ADGRB1: variants seen among roughly 807,000 people sequenced by gnomAD.
ADGRB1 encodes brain-specific angiogenesis inhibitor 1.
Under a neutral mutation model 175.7 loss-of-function variants are expected in ADGRB1, and 36 were observed. The observed-to-expected ratio is 0.20, with a 90% CI of 0.16 to 0.27. The LOEUF (loss-of-function observed/expected upper bound fraction) is 0.27, where lower values mean the gene tolerates loss of function less well. Among genes scored for constraint, ADGRB1 ranks in the 10% least tolerant of loss-of-function variants. The probability of loss-of-function intolerance (pLI) is 1.00; values close to 1 mark genes in which losing one functional copy is unlikely to be tolerated. For synonymous variants in ADGRB1, 1,054 were observed against 979.4 expected, an observed-to-expected ratio of 1.08 and a Z score of -1.42; for missense variants, 1,731 against 2,255.3, an observed-to-expected ratio of 0.77 and a Z score of 4.71.
At chr8:142,536,014 G>T (rs1844903161) in intron 25 of ADGRB1, among the ~76,000 whole-genome samples, 1 of 152,128 alleles carries the variant, frequency 6.6e-6, no homozygotes, top group Non-Finnish European at 1.5e-5. Flanking sequence ...TGATGAGAGG[G>T]GTGGGCTGGG....
At chr8:142,507,960 C>T (rs893145245) in intron 17 of ADGRB1, among the ~76,000 whole-genome samples, 1 of 151,862 alleles carries the variant, frequency 6.6e-6, no homozygotes, top group African/African-American at 2.4e-5. Flanking sequence ...TCCCCAGGCA[C>T]GGGGATGGGC....
chr8:142,449,937 G>C lies in ADGRB1; in HGVS notation c.-387G>C, dbSNP rs1839233915. ...CGTGCGCCGGCGGGTGCTCTCCAGG[G>C]GGCGTCCCGGCGAGGCCCAGAGCGG... On this transcript the variant is annotated 5_prime_UTR_variant, in exon 1 of 31. Transcript: ENST00000517894. 6.7e-6 allele frequency: 1 copy of C among 148,680 alleles called. No homozygotes were observed. 9.2% of individuals were successfully genotyped at this position (148,680 alleles called of 1,614,324 possible).
intron 13 of ADGRB1, among the ~76,000 whole-genome samples, chr8:142,486,139 C>T (rs188539386): frequency 6.6e-6 from 1 of 152,316 alleles, no homozygotes; most frequent in East Asian, 1.9e-4. Context: ...CCCATATGCT[C>T]CACTCAGCTG....
At chr8:142,491,589 A>G (rs58146480) in intron 17 of ADGRB1, among the ~76,000 whole-genome samples, 83,192 of 152,096 alleles carry the variant, frequency 0.55, 23,584 homozygotes, top group Middle Eastern at 0.63. Context: ...GCCGGGTCCC[A>G]ACATGCGGCT....
rs771263376 is a variant in ADGRB1 at position 142,542,545 on chromosome 8, C to T, written c.4311C>T (p.Pro1437=). The T allele has an allele frequency of 3.6e-5, 55 of 1,520,002 alleles. No individual in the cohort carries two copies. The South Asian group carries it at 6.4e-4, about 18-fold the overall frequency. 94.2% of individuals were successfully genotyped at this position (1,520,002 alleles called of 1,614,324 possible). A position where few individuals can be genotyped will look rare whatever the true frequency, so the allele number is the denominator to read the frequency against. ...CGCCCAATCTGGAGCCGGCACCCCC[C>T]AGCCTGGGGGATCCCGGGGAGCCTG... The part of the protein sequence containing the change: ...PPPPNLEPAP[P]SLGDPGEPAA... Residue 1437 remains proline (P), a synonymous_variant, in exon 28 of 31, where the codon CCC becomes CCT. Coordinates refer to ENST00000517894, the MANE Select transcript of ADGRB1 (RefSeq NM_001702.3). The surrounding 1 kb of genome is among the most constrained non-coding windows in gnomAD (Gnocchi z 6.3).
Position 142,542,689 on chromosome 8 carries a change from C to T in ADGRB1, c.4413+42C>T. 1 of 1,492,740 alleles carries T rather than the reference C, an allele frequency of 6.7e-7. No individual in the cohort carries two copies. The highest frequency in any genetic ancestry group is 9.0e-7 in the Non-Finnish European group (1 of 1,113,660). The allele number at this position is 1,492,740 out of a possible 1,614,324, so 92.5% of individuals were successfully genotyped here. ...TGGGCCACACCCCAGCCAGCGAGGG[C>T]AGGGCTGCAGCAGCTGGGTCACCCC... On this transcript the variant is annotated intron_variant, in intron 28 of 30. Transcript: ENST00000517894. The surrounding 1 kb of genome is among the most constrained non-coding windows in gnomAD (Gnocchi z 6.3).
chr8:142,520,976 A>G lies in ADGRB1; in HGVS notation c.3024+51A>G, dbSNP rs1843805369. On this transcript the variant is annotated intron_variant, in intron 20 of 30. Coordinates refer to ENST00000517894, the MANE Select transcript of ADGRB1 (RefSeq NM_001702.3). ...CACTTCCCAACATCCTCGGGTGGTG[A>G]GGATGGACCCCAGGAGGGGCCTGGA... 1.9e-6 allele frequency: 3 copies of G among 1,542,010 alleles called. No homozygotes were observed. The African/African-American group carries it at 4.1e-5, about 21-fold the overall frequency.
intron 27 of ADGRB1, among the ~76,000 whole-genome samples, chr8:142,540,635 C>G (rs868770322): frequency 1.3e-5 from 2 of 152,126 alleles, no homozygotes; most frequent in African/African-American, 4.8e-5. Context: ...AGACCCCTCA[C>G]GTGCCAGGCG....
rs754370452 is a variant in ADGRB1 at position 142,464,552 on chromosome 8, G to C, written c.354G>C (p.Glu118Asp). 6 of 1,552,694 alleles carry C rather than the reference G, an allele frequency of 3.9e-6. No individual in the cohort carries two copies. Among genetic ancestry groups the C allele is most frequent in the Non-Finnish European group, 5.2e-6 (6 of 1,151,774 alleles). ...CCACGCGCACCTACCTGGGCGTGGAGAGCTTCGACGAGGTGCTGCGGCTCT... is the reference window on the plus strand; with the variant it reads ...CCACGCGCACCTACCTGGGCGTGGACAGCTTCGACGAGGTGCTGCGGCTCT... ...LESTRTYLGV[E>D]SFDEVLRLCD... The change falls in exon 2 of 31, where the codon GAG becomes GAC. Residue 118 changes from glutamate (E) to aspartate (D), a missense_variant. By Grantham distance (45) the Glu-to-Asp change is conservative (BLOSUM62 2). Coordinates refer to ENST00000517894, the MANE Select transcript of ADGRB1 (RefSeq NM_001702.3).
intron 18 of ADGRB1, among the ~76,000 whole-genome samples, chr8:142,514,800 AG>A (rs1843322958): frequency 6.6e-6 from 1 of 152,060 alleles, no homozygotes; most frequent in Non-Finnish European, 1.5e-5. Flanking sequence ...GGCTGGATTC[AG>A]GGGACAGGGT....
rs1462033062 is a variant in ADGRB1, at chr8:142,476,602, T to A, written c.964T>A (p.Ser322Thr). The A allele has an allele frequency of 1.8e-5, 28 of 1,548,662 alleles. No individual in the cohort carries two copies. The highest frequency in any genetic ancestry group is 2.4e-5 in the Non-Finnish European group (28 of 1,146,436). ...EACGPAGRTSSRSQSLRSTDA... is the reference protein window; with the variant it reads ...EACGPAGRTSTRSQSLRSTDA... ...TCCTGCAGCCGCTGGGCGCACCAGCTCCCGGAGCCAGTCCCTGCGGTCCAC... is the reference window on the plus strand; with the variant it reads ...TCCTGCAGCCGCTGGGCGCACCAGCACCCGGAGCCAGTCCCTGCGGTCCAC... The change falls in exon 4 of 31, where the codon TCC (serine) becomes ACC (threonine). Residue 322 changes from serine to threonine, a missense_variant. Physicochemically the swap from Ser to Thr is moderately conservative, Grantham distance 58 (BLOSUM62 1). Around this residue, in one of 8 missense-constraint regions of ADGRB1, gnomAD observed 178 missense variants for 227.8 expected, o/e 0.78. Transcript: ENST00000517894.
intron 25 of ADGRB1, among the ~76,000 whole-genome samples, chr8:142,534,566 A>T (rs1474913399): frequency 2.0e-5 from 3 of 152,178 alleles, no homozygotes; most frequent in Non-Finnish European, 4.4e-5. Context: ...TCGAGGAAAG[A>T]CAAGAGGAGG....
At chr8:142,461,386 G>A (rs1839959974) in intron 1 of ADGRB1, among the ~76,000 whole-genome samples, 1 of 152,224 alleles carries the variant, frequency 6.6e-6, no homozygotes, top group Non-Finnish European at 1.5e-5. Flanking sequence ...CCAAGCTGGA[G>A]CCTGTCCTGG....
At chr8:142,514,669 G>A (rs999191684) in intron 18 of ADGRB1, among the ~76,000 whole-genome samples, 5 of 152,130 alleles carry the variant, frequency 3.3e-5, no homozygotes, top group South Asian at 2.1e-4. Context: ...GTTCAGGGGT[G>A]TGATCATGGT....
At chr8:142,538,022 A>T (rs1019818895) in intron 26 of ADGRB1, among the ~76,000 whole-genome samples, 1 of 152,016 alleles carries the variant, frequency 6.6e-6, no homozygotes, top group Non-Finnish European at 1.5e-5. Flanking sequence ...GACAGCATCC[A>T]CGCCCTGGCC....
At position 142,539,273 on chromosome 8, in the gene ADGRB1, G is replaced by A. The variant is rs1845121059; in HGVS notation, c.3667-101G>A. 3 of 1,249,706 alleles carry A rather than the reference G, an allele frequency of 2.4e-6. No individual in the cohort carries two copies. The African/African-American group carries it at 4.5e-5, about 19-fold the overall frequency. 77.4% of individuals were successfully genotyped at this position (1,249,706 alleles called of 1,614,324 possible). A position where few individuals can be genotyped will look rare whatever the true frequency, so the allele number is the denominator to read the frequency against. ...GTGGACATGGACAGGGGTTCCTCGG[G>A]GCAGCAGGAGCACCGTGGCCCTCCC... is the stretch of plus-strand genomic sequence containing the variant. On this transcript the variant is annotated intron_variant, in intron 26 of 30. Transcript: ENST00000517894.
intron 2 of ADGRB1, among the ~76,000 whole-genome samples, chr8:142,469,850 G>A (rs1168679554): frequency 6.6e-6 from 1 of 152,214 alleles, no homozygotes; most frequent in Non-Finnish European, 1.5e-5. Context: ...TGACCATTCA[G>A]AAGACACACA....
intron 17 of ADGRB1, among the ~76,000 whole-genome samples, chr8:142,498,706 G>A (rs950511382): frequency 1.7e-4 from 26 of 152,156 alleles, no homozygotes; most frequent in African/African-American, 5.8e-4. Flanking sequence ...GCCCAGGGCC[G>A]CTGCACCTCC....
chr8:142,478,179 T>TC lies in ADGRB1; in HGVS notation c.1388-3dup, dbSNP rs1841098343. 4 of 1,597,474 alleles carry TC rather than the reference T, an allele frequency of 2.5e-6. No homozygotes were observed. The highest frequency in any genetic ancestry group is 1.1e-5 in the South Asian group (1 of 88,246). On this transcript the variant is annotated splice_region_variant and splice_polypyrimidine_tract_variant and intron_variant, in intron 6 of 30. Coordinates refer to ENST00000517894, the MANE Select transcript of ADGRB1 (RefSeq NM_001702.3). Reference sequence around the variant, plus strand: ...TCACGCCCACTTTGTGTCTCCTTCCTCCCCCGGGCCGGGCAGTGGATGGAA... The same window carrying TC: ...TCACGCCCACTTTGTGTCTCCTTCCTCCCCCCGGGCCGGGCAGTGGATGGAA...
Sources: allele counts gnomAD v4.1 joint callset (sites outside exome capture counted in the v4.1 genomes callset), GRCh38; gene constraint gnomAD v4.1.1; regional missense constraint gnomAD v4.1.1; non-coding constraint Gnocchi (gnomAD v3.1); transcripts MANE v1.5; gene names NCBI Gene and HGNC (gene_info 2026-07-23, HGNC 2026-07-21).